The following ZFHX3 variants were observed in gnomAD, a reference collection of about 807,000 sequenced individuals.
ZFHX3 encodes zinc finger homeobox protein 3.
ZFHX3 carries 42 observed loss-of-function variants against 279.1 expected under a neutral mutation model. That is an observed-to-expected ratio of 0.15 (90% CI 0.12 to 0.19). The LOEUF is 0.19. Ranked by LOEUF, ZFHX3 falls within the 10% of genes least tolerant of loss-of-function variation. The pLI, the probability that ZFHX3 is intolerant of heterozygous loss-of-function variation, is 1.00. For missense variants in ZFHX3, 4,981 were observed against 4,754.0 expected, an observed-to-expected ratio of 1.05 and a Z score of -1.40; for synonymous variants, 2,293 against 1,957.8, an observed-to-expected ratio of 1.17 and a Z score of -4.52.
intron 3 of ZFHX3, among the ~76,000 whole-genome samples, chr16:72,941,193 T>C (rs16971424): frequency 0.13 from 20,136 of 152,196 alleles, 1,927 homozygotes; most frequent in African/African-American, 0.26. Flanking sequence ...AAAAGTAAGT[T>C]TGAACAAACA....
intron 5 of ZFHX3, among the ~76,000 whole-genome samples, chr16:73,179,525 A>T (rs1004057962): frequency 2.7e-5 from 4 of 147,048 alleles, no homozygotes; most frequent in Admixed American, 6.7e-5. Context: ...GTGCATTAAT[A>T]AAAAAAAATA....
intron 1 of ZFHX3, among the ~76,000 whole-genome samples, chr16:72,967,649 G>A (rs1209821436): frequency 6.6e-6 from 1 of 151,872 alleles, no homozygotes; most frequent in Admixed American, 6.6e-5. Context: ...GGGAGCGGTG[G>A]CTCACGCCTG....
chr16:73,376,891 T>C (rs1217767423), intron 3 of ZFHX3, among the ~76,000 whole-genome samples: 6 of 152,204 alleles, frequency 3.9e-5, no homozygotes, highest in African/African-American at 9.7e-5. Flanking sequence ...TGGTAAGACC[T>C]TCTAATTATT....
chr16:73,004,630 A>T (rs550260444), intron 1 of ZFHX3, among the ~76,000 whole-genome samples: 41 of 152,040 alleles, frequency 2.7e-4, no homozygotes, highest in Non-Finnish European at 4.9e-4. Flanking sequence ...CATTTTTAAG[A>T]GCTCTTTATA....
chr16:73,688,557 AAGC>A (rs2053115508), intron 1 of ZFHX3, among the ~76,000 whole-genome samples: 1 of 152,022 alleles, frequency 6.6e-6, no homozygotes, highest in Admixed American at 6.6e-5. Context: ...ATGAAGCAGA[AAGC>A]AGGCCCTCAA....
rs954793357 is a variant in ZFHX3, at chr16:72,787,408, C to T, written c.10868G>A (p.Arg3623Gln). ...SRKSWPQVVS[R>Q]ASAAKPPSFP... ...AGAAGGGGGCTTCGCTGCCGAAGCCCGGGAGACCACTTGCGGCCAAGACTT... is the reference window on the plus strand; with the variant it reads ...AGAAGGGGGCTTCGCTGCCGAAGCCTGGGAGACCACTTGCGGCCAAGACTT... Residue 3623 changes from arginine to glutamine, a missense_variant, in exon 10 of 10, where the codon CGG becomes CAG. By Grantham distance (43) the Arg-to-Gln change is conservative. Coordinates refer to ENST00000268489, the MANE Select transcript of ZFHX3 (RefSeq NM_006885.4). The T allele has an allele frequency of 2.0e-6, 3 of 1,468,410 alleles. No individual in the cohort carries two copies. The highest frequency in any genetic ancestry group is 2.7e-6 in the Non-Finnish European group (3 of 1,091,442). The allele number at this position is 1,468,410 out of a possible 1,614,324, so 91.0% of individuals were successfully genotyped here.
At chr16:73,292,967 G>T (rs931542098) in intron 4 of ZFHX3, among the ~76,000 whole-genome samples, 1 of 152,156 alleles carries the variant, frequency 6.6e-6, no homozygotes, top group Non-Finnish European at 1.5e-5. Flanking sequence ...AACACATCTG[G>T]GATTCAGAGA....
chr16:73,187,747 TTTCATGATGC>T (rs1967945678), intron 5 of ZFHX3, among the ~76,000 whole-genome samples: 1 of 152,250 alleles, frequency 6.6e-6, no homozygotes, highest in Admixed American at 6.5e-5. Context: ...GTGGTGACAC[TTTCATGATGC>T]TTGGTGTAGA....
At chr16:72,970,311 G>A (rs755432962) in intron 1 of ZFHX3, among the ~76,000 whole-genome samples, 1 of 151,798 alleles carries the variant, frequency 6.6e-6, no homozygotes, top group East Asian at 1.9e-4. Flanking sequence ...AGACAAACCA[G>A]CTATTATTTA....
intron 4 of ZFHX3, among the ~76,000 whole-genome samples, chr16:73,264,739 A>G (rs2013921792): frequency 6.6e-6 from 1 of 152,068 alleles, no homozygotes; most frequent in African/African-American, 2.4e-5. Context: ...ATCCTTCCCA[A>G]GCTTTCCCCC....
chr16:73,742,611 T>C (rs1202731693), intron 1 of ZFHX3, among the ~76,000 whole-genome samples: 1 of 152,206 alleles, frequency 6.6e-6, no homozygotes, highest in African/African-American at 2.4e-5. Flanking sequence ...TTCATATCCA[T>C]TTAGAATGTG....
intron 3 of ZFHX3, among the ~76,000 whole-genome samples, chr16:73,355,454 G>A (rs1690739175): frequency 6.6e-6 from 1 of 152,106 alleles, no homozygotes; most frequent in Admixed American, 6.6e-5. Context: ...TTCAACTAGG[G>A]GCAGAAAAGG....
chr16:72,865,955 G>C (rs1003389246), intron 4 of ZFHX3, among the ~76,000 whole-genome samples: 2 of 152,172 alleles, frequency 1.3e-5, no homozygotes, highest in Admixed American at 1.3e-4. Context: ...AAGTGGGAAA[G>C]GGAGACCCGG....
chr16:73,372,448 TCC>T (rs1378198565), intron 3 of ZFHX3, among the ~76,000 whole-genome samples: 1 of 152,154 alleles, frequency 6.6e-6, no homozygotes, highest in Non-Finnish European at 1.5e-5. Flanking sequence ...GTATTTGAAT[TCC>T]CCCAAATTCA....
At chr16:73,350,855 C>G (rs72799411) in intron 3 of ZFHX3, among the ~76,000 whole-genome samples, 2 of 152,150 alleles carry the variant, frequency 1.3e-5, no homozygotes, top group Non-Finnish European at 2.9e-5. Context: ...GCAGCATGTG[C>G]GCAAGGAAGT....
At chr16:73,755,852 C>G (rs1325835203) in intron 1 of ZFHX3, among the ~76,000 whole-genome samples, 1 of 152,204 alleles carries the variant, frequency 6.6e-6, no homozygotes, top group Non-Finnish European at 1.5e-5. Flanking sequence ...CTACTTGGAG[C>G]AGACAAGCTT....
At position 73,453,507 on chromosome 16, in the gene ZFHX3, G is replaced by A. The variant is rs570760680; in HGVS notation, c.-1291+2496C>T. 7.9e-5 allele frequency among the ~76,000 whole-genome samples: 12 copies of A among 152,270 alleles called. No homozygotes were observed. In the South Asian group the frequency reaches 1.5e-3, roughly 18 times the overall value. On this transcript the variant is annotated intron_variant, in intron 3 of 17. Coordinates refer to the ZFHX3 transcript ENST00000641206. ...ACTCAAGCTGGTCACCTAAAGAGAC[G>A]GTGTCAGAAAACAGAGTGTAACACT...
chr16:73,800,512 G>A (rs1050475548), intron 1 of ZFHX3, among the ~76,000 whole-genome samples: 1 of 152,054 alleles, frequency 6.6e-6, no homozygotes, highest in Admixed American at 6.6e-5. Flanking sequence ...CCACCGTGCT[G>A]GGCCTACTAT....
intron 1 of ZFHX3, among the ~76,000 whole-genome samples, chr16:73,687,401 C>T (rs1006523015): frequency 6.6e-6 from 1 of 150,828 alleles, no homozygotes; most frequent in Non-Finnish European, 1.5e-5. Flanking sequence ...AAAAAGTTTC[C>T]AAACGATGGG....
Sources: allele counts gnomAD v4.1 joint callset (sites outside exome capture counted in the v4.1 genomes callset), GRCh38; gene constraint gnomAD v4.1.1; transcripts MANE v1.5; gene names NCBI Gene and HGNC (gene_info 2026-07-23, HGNC 2026-07-21).